Variants in SERGEF observed in about 807,000 individuals in gnomAD.
The protein encoded by SERGEF is secretion regulating guanine nucleotide exchange factor.
SERGEF carries 51 observed loss-of-function variants against 50.0 expected under a neutral mutation model. The observed-to-expected ratio is 1.02, with a 90% CI of 0.81 to 1.29. The LOEUF (loss-of-function observed/expected upper bound fraction) is 1.29, where lower values mean the gene tolerates loss of function less well. SERGEF is among the 50% of genes most tolerant of loss of function. SERGEF has a pLI of 0.00. For synonymous variants in SERGEF, 205 were observed against 212.4 expected (o/e 0.97, Z 0.30); for missense variants, 521 against 557.0 (o/e 0.94, Z 0.65).
rs766077173 is a variant in SERGEF at position 17,993,002 on chromosome 11, G to GA, written c.623-10dup. 1.9e-5 allele frequency: 30 copies of GA among 1,612,330 alleles called. No homozygotes were observed. The highest frequency in any genetic ancestry group is 2.1e-5 in the Non-Finnish European group (25 of 1,178,716). ...TTTAGAATTCTCTAGACCTACAAAAGAAAAAATGTTCTTCTGAATTACATT... is the reference window on the plus strand; with the variant it reads ...TTTAGAATTCTCTAGACCTACAAAAGAAAAAAATGTTCTTCTGAATTACATT... On this transcript the variant is annotated splice_polypyrimidine_tract_variant and intron_variant, in intron 6 of 10. Transcript: ENST00000265965.
chr11:17,790,361 C>T (rs1342642611), intron 10 of SERGEF, among the ~76,000 whole-genome samples: 10 of 150,890 alleles, frequency 6.6e-5, no homozygotes, highest in Non-Finnish European at 1.3e-4. Context: ...CTGCAAGTTG[C>T]TCTTTACACT....
At chr11:17,958,016 T>C (rs1390152405) in intron 9 of SERGEF, among the ~76,000 whole-genome samples, 1 of 152,236 alleles carries the variant, frequency 6.6e-6, no homozygotes, top group African/African-American at 2.4e-5. Context: ...TCTTCCATAA[T>C]ATTAAGTAGT....
intron 9 of SERGEF, among the ~76,000 whole-genome samples, chr11:17,886,955 G>A (rs1851442064): frequency 6.6e-6 from 1 of 152,128 alleles, no homozygotes; most frequent in African/African-American, 2.4e-5. Context: ...CCTGTGAAAC[G>A]GCTTAGTGAA....
intron 10 of SERGEF, among the ~76,000 whole-genome samples, chr11:17,808,154 C>T (rs549210972): frequency 2.5e-4 from 38 of 152,340 alleles, no homozygotes; most frequent in Admixed American, 7.2e-4. Context: ...TCTTATCTGT[C>T]CTCCAAGTTG....
chr11:17,957,151 G>C (rs1369058235), intron 9 of SERGEF, among the ~76,000 whole-genome samples: 2 of 152,192 alleles, frequency 1.3e-5, no homozygotes, highest in Middle Eastern at 3.2e-3. Flanking sequence ...AGGGGGCTCA[G>C]GGCTCAAGCC....
At chr11:17,854,183 A>G (rs546675080) in intron 10 of SERGEF, among the ~76,000 whole-genome samples, 44 of 152,316 alleles carry the variant, frequency 2.9e-4, no homozygotes, top group South Asian at 2.5e-3. Context: ...AACACTGTGT[A>G]CATATACATA....
intron 8 of SERGEF, among the ~76,000 whole-genome samples, chr11:17,960,180 GGAGCA>G (rs760973160): frequency 2.6e-5 from 4 of 152,050 alleles, no homozygotes; most frequent in Non-Finnish European, 5.9e-5. Flanking sequence ...CTTACCCAAA[GGAGCA>G]ATTCTAACAA....
intron 9 of SERGEF, among the ~76,000 whole-genome samples, chr11:17,887,642 A>G (rs1313800969): frequency 6.6e-6 from 1 of 152,260 alleles, no homozygotes; most frequent in Non-Finnish European, 1.5e-5. Flanking sequence ...AACTGCTTGG[A>G]AAAACTGTCT....
intron 4 of SERGEF, among the ~76,000 whole-genome samples, chr11:18,001,493 C>T (rs1052744012): frequency 9.2e-5 from 14 of 152,186 alleles, no homozygotes; most frequent in African/African-American, 2.4e-4. Context: ...TGGCAAGGAA[C>T]ATGAAACCAT....
intron 9 of SERGEF, among the ~76,000 whole-genome samples, chr11:17,921,537 G>A (rs1173086466): frequency 1.3e-5 from 2 of 152,182 alleles, no homozygotes; most frequent in Non-Finnish European, 2.9e-5. Context: ...TACATTCCAT[G>A]ATTCCCTCAT....
intron 10 of SERGEF, chr11:17,846,826 AT>A (rs1850622072): frequency 2.2e-6 from 1 of 451,584 alleles, no homozygotes; most frequent in South Asian, 1.6e-5. Flanking sequence ...TAGCAGGTAT[AT>A]AATAGATGAG....
chr11:17,914,275 T>C (rs1053901957), intron 9 of SERGEF, among the ~76,000 whole-genome samples: 1 of 152,228 alleles, frequency 6.6e-6, no homozygotes, highest in Non-Finnish European at 1.5e-5. Flanking sequence ...ATTCTACTAG[T>C]TCACATTATT....
At chr11:17,794,541 C>T (rs151183392) in intron 10 of SERGEF, among the ~76,000 whole-genome samples, 120 of 152,294 alleles carry the variant, frequency 7.9e-4, no homozygotes, top group East Asian at 3.5e-3. Context: ...AAATCTCAGG[C>T]GCCTTCACTA....
At chr11:17,824,540 C>CA (rs1248592959) in intron 10 of SERGEF, among the ~76,000 whole-genome samples, 1 of 152,084 alleles carries the variant, frequency 6.6e-6, no homozygotes, top group Non-Finnish European at 1.5e-5. Flanking sequence ...GCTGCCATAA[C>CA]AAAAAATACC....
intron 9 of SERGEF, among the ~76,000 whole-genome samples, chr11:17,905,691 T>C (rs992339008): frequency 6.6e-6 from 1 of 152,170 alleles, no homozygotes; most frequent in African/African-American, 2.4e-5. Flanking sequence ...GTGAATGTTT[T>C]CAGAGACCCA....
intron 6 of SERGEF, among the ~76,000 whole-genome samples, chr11:17,993,220 C>G (rs1853758599): frequency 6.6e-6 from 1 of 152,086 alleles, no homozygotes; most frequent in African/African-American, 2.4e-5. Context: ...GAGCCAGATT[C>G]ATCACTATCA....
intron 10 of SERGEF, among the ~76,000 whole-genome samples, chr11:17,832,989 A>G (rs1850338283): frequency 6.6e-6 from 1 of 152,214 alleles, no homozygotes; most frequent in Non-Finnish European, 1.5e-5. Context: ...ATGCACTACA[A>G]AAGAAAATCT....
chr11:17,880,208 T>C (rs511026), intron 9 of SERGEF, among the ~76,000 whole-genome samples: 105,462 of 152,156 alleles, frequency 0.69, 37,354 homozygotes, highest in African/African-American at 0.83. Context: ...TTGTTTAGTC[T>C]CTGAGCTCCT....
intron 9 of SERGEF, among the ~76,000 whole-genome samples, chr11:17,937,182 A>G (rs940121280): frequency 6.6e-6 from 1 of 152,158 alleles, no homozygotes; most frequent in Non-Finnish European, 1.5e-5. Flanking sequence ...AAGCAAACAT[A>G]CTATCTATAA....
Sources: gnomAD v4.1 joint callset for allele counts (sites outside exome capture counted in the v4.1 genomes callset) on GRCh38, gnomAD v4.1.1 for gene constraint, MANE v1.5 for transcripts, NCBI Gene and HGNC (gene_info 2026-07-23, HGNC 2026-07-21) for gene names.